The following DIPK2B variants were observed in gnomAD, a reference collection of about 807,000 sequenced individuals.
DIPK2B encodes UPF0672 protein CXorf36.
DIPK2B carries 15 observed loss-of-function variants against 22.2 expected under a neutral mutation model. The observed-to-expected ratio is 0.68, with a 90% CI of 0.45 to 1.04. The LOEUF is 1.04. Among genes scored for constraint, DIPK2B ranks in the 50% least tolerant of loss-of-function variants. The pLI, the probability that DIPK2B is intolerant of heterozygous loss-of-function variation, is 0.00. For missense variants in DIPK2B, 345 were observed against 348.3 expected (o/e 0.99, Z 0.08); for synonymous variants, 163 against 153.2 (o/e 1.06, Z -0.47).
At chrX:45,199,325 G>A (rs1308442039) in intron 1 of DIPK2B, among the ~76,000 whole-genome samples, 5 of 111,663 alleles carry the variant, frequency 4.5e-5, no homozygotes, top group Non-Finnish European at 9.4e-5. Context: ...TCTTAAAAGC[G>A]TAAGTTAGGT....
In DIPK2B at chrX:45,191,696, C is replaced by T. The variant is rs1296906698; in HGVS notation, c.498+55G>A. ...AGATATGAGATGGGAATGAATCTCT[C>T]TCTCTCTTTCTCATCATCCCCTTCA... On this transcript the variant is annotated intron_variant, in intron 2 of 4. Coordinates refer to ENST00000398000, the MANE Select transcript of DIPK2B (RefSeq NM_176819.4). The T allele has an allele frequency of 2.9e-5, 33 of 1,129,951 alleles. No individual in the cohort carries two copies. In the Admixed American group the frequency reaches 7.9e-4, roughly 27 times the overall value. The allele number at this position is 1,129,951 out of a possible 1,213,427, so 93.1% of individuals were successfully genotyped here.
At position 45,152,502 on chromosome X, in the gene DIPK2B, A is replaced by G. The variant is rs1317499184; in HGVS notation, c.962-510T>C. Among the ~76,000 whole-genome samples the G allele has an allele frequency of 3.6e-5, 4 of 112,003 alleles. No homozygotes were observed. The Admixed American group carries it at 3.8e-4, about 11-fold the overall frequency. On this transcript the variant is annotated intron_variant, in intron 4 of 4. Coordinates refer to ENST00000398000, the MANE Select transcript of DIPK2B (RefSeq NM_176819.4). ...TGCTACAATAGAGTGAGGCCTGGGC[A>G]TGGAAAACCCACTTACCCCTACCAG...
chrX:45,149,530 A>C lies in DIPK2B; in HGVS notation c.*2122T>G, dbSNP rs1293667539. The stretch of plus-strand genomic sequence containing the variant: ...AGTCAAGAGACAAACCCAAAAGGGA[A>C]CTAGGTACTCCACAAAATAAGGCTT... On this transcript the variant is annotated 3_prime_UTR_variant, in exon 5 of 5. Transcript: ENST00000398000. The C allele has an allele frequency of 8.8e-6, 1 of 113,287 alleles. No homozygotes were observed. The highest frequency in any genetic ancestry group is 2.8e-4 in the East Asian group (1 of 3,565). 9.3% of individuals were successfully genotyped at this position (113,287 alleles called of 1,213,427 possible). A position where few individuals can be genotyped will look rare whatever the true frequency, so the allele number is the denominator to read the frequency against.
At position 45,200,632 on chromosome X, in the gene DIPK2B, C is replaced by G; in HGVS notation, c.195G>C (p.Gly65=). The G allele has an allele frequency of 1.7e-6, 2 of 1,212,077 alleles. No homozygotes were observed. The highest frequency in any genetic ancestry group is 2.2e-6 in the Non-Finnish European group (2 of 895,459). The stretch of plus-strand genomic sequence containing the variant: ...TAAAGAACTTCTTGCAAATAGATGT[C>G]CCGATGCAGGCATTGCATTTATCAA... The part of the protein sequence containing the change: ...LGLDKCNACI[G]TSICKKFFKE... Residue 65 remains glycine (G), a synonymous_variant, in exon 1 of 5, where the codon GGG becomes GGC. Transcript: ENST00000398000.
intron 2 of DIPK2B, among the ~76,000 whole-genome samples, chrX:45,182,901 T>C (rs1318420999): frequency 8.9e-6 from 1 of 112,058 alleles, no homozygotes; most frequent in Non-Finnish European, 1.9e-5. Context: ...GAGGTTTCAG[T>C]GTGAAAGCTG....
chrX:45,163,362 G>T (rs768110743), intron 2 of DIPK2B: 1 of 733,534 alleles, frequency 1.4e-6, no homozygotes, highest in African/African-American at 2.3e-5. Flanking sequence ...CTGTTTCTCT[G>T]GTAGAACCCT....
chrX:45,149,657 A>G lies in DIPK2B; in HGVS notation c.*1995T>C, dbSNP rs1006152336. On this transcript the variant is annotated 3_prime_UTR_variant, in exon 5 of 5. Transcript: ENST00000398000. ...AGGGCAATAGGAGCCTCCTAATAGC[A>G]ATGGGGCTCCTCTGATGGCTGCCAT... 1.8e-5 allele frequency: 2 copies of G among 112,448 alleles called. No homozygotes were observed. Among genetic ancestry groups the G allele is most frequent in the Non-Finnish European group, 3.8e-5 (2 of 53,223 alleles). 9.3% of individuals were successfully genotyped at this position (112,448 alleles called of 1,213,427 possible). A position where few individuals can be genotyped will look rare whatever the true frequency, so the allele number is the denominator to read the frequency against.
intron 2 of DIPK2B, chrX:45,162,376 A>C (rs1428909175): frequency 1.3e-6 from 1 of 752,338 alleles, no homozygotes; most frequent in African/African-American, 2.3e-5. Context: ...TTTGCTGAGA[A>C]GGTTCTGAGC....
intron 2 of DIPK2B, among the ~76,000 whole-genome samples, chrX:45,182,158 G>C (rs1225783163): frequency 9.1e-6 from 1 of 109,837 alleles, no homozygotes; most frequent in African/African-American, 3.3e-5. Context: ...AGCTCACAAA[G>C]AGCTTGTATC....
chrX:45,182,475 GA>G (rs1202509759), intron 2 of DIPK2B, among the ~76,000 whole-genome samples: 74 of 112,452 alleles, frequency 6.6e-4, no homozygotes, highest in Non-Finnish European at 9.0e-4. Context: ...AACTACTTTG[GA>G]AAACTACTTA....
chrX:45,149,048 C>A lies in DIPK2B; in HGVS notation c.*2604G>T, dbSNP rs73204291. On this transcript the variant is annotated 3_prime_UTR_variant, in exon 5 of 5. Transcript: ENST00000398000. Reference sequence around the variant, plus strand: ...GAGGAGAGAAGGGGGCAAGTGCTTACCTTGAACCCGTGCAGGTGGACAGAT... The same window carrying A: ...GAGGAGAGAAGGGGGCAAGTGCTTAACTTGAACCCGTGCAGGTGGACAGAT... 42 of 112,315 alleles carry A rather than the reference C, an allele frequency of 3.7e-4. No homozygotes were observed. The highest frequency in any genetic ancestry group is 1.2e-3 in the African/African-American group (36 of 30,942). 9.3% of individuals were successfully genotyped at this position (112,315 alleles called of 1,213,427 possible).
In DIPK2B at chrX:45,191,793, C is replaced by G. The variant is rs1341043054; in HGVS notation, c.456G>C (p.Gln152His). 1 of 1,212,037 alleles carries G rather than the reference C, an allele frequency of 8.3e-7. No homozygotes were observed. The highest frequency in any genetic ancestry group is 1.8e-5 in the South Asian group (1 of 57,011). Residue 152 changes from glutamine (Q) to histidine (H), a missense_variant, in exon 2 of 5, where the codon CAG (glutamine) becomes CAC (histidine). Coordinates refer to ENST00000398000, the MANE Select transcript of DIPK2B (RefSeq NM_176819.4). ...ERVLRKTERF[Q>H]KWLQAKRLTP... Reference sequence around the variant, plus strand: ...TGAGGCGCTTGGCCTGCAGCCATTTCTGGAACCTCTCTGTTTTCCGCAGGA... The same window carrying G: ...TGAGGCGCTTGGCCTGCAGCCATTTGTGGAACCTCTCTGTTTTCCGCAGGA...
chrX:45,163,418 T>C (rs2047032014), intron 2 of DIPK2B: 1 of 754,136 alleles, frequency 1.3e-6, no homozygotes, highest in Admixed American at 8.6e-5. Flanking sequence ...ATTACAAAAA[T>C]GGACAGCAAT....
intron 1 of DIPK2B, among the ~76,000 whole-genome samples, chrX:45,193,593 C>T (rs1224402499): frequency 1.8e-5 from 2 of 111,979 alleles, no homozygotes; most frequent in Non-Finnish European, 3.8e-5. Context: ...TTGAGTTATG[C>T]ACTAGAGCTC....
intron 2 of DIPK2B, among the ~76,000 whole-genome samples, chrX:45,168,046 C>T (rs761410841): frequency 3.1e-3 from 345 of 112,738 alleles, no homozygotes; most frequent in Non-Finnish European, 4.4e-3. Flanking sequence ...TCATAACTCT[C>T]AGTCATGTTT....
intron 3 of DIPK2B, among the ~76,000 whole-genome samples, chrX:45,157,182 T>C (rs1288010216): frequency 9.0e-6 from 1 of 111,700 alleles, no homozygotes; most frequent in African/African-American, 3.3e-5. Context: ...TCTCTACCAC[T>C]GGACTGGAAG....
chrX:45,199,907 T>C (rs1279751760), intron 1 of DIPK2B, among the ~76,000 whole-genome samples: 3 of 111,498 alleles, frequency 2.7e-5, no homozygotes, highest in African/African-American at 9.8e-5. Flanking sequence ...GCCATGTGCA[T>C]TGCAATTTAC....
chrX:45,194,255 A>G (rs867033341), intron 1 of DIPK2B, among the ~76,000 whole-genome samples: 3 of 91,194 alleles, frequency 3.3e-5, no homozygotes, highest in Non-Finnish European at 7.1e-5. Flanking sequence ...GAACCCATTA[A>G]TTTTTTTTTT....
intron 2 of DIPK2B, among the ~76,000 whole-genome samples, chrX:45,175,010 T>C (rs2047109423): frequency 8.9e-6 from 1 of 111,924 alleles, no homozygotes; most frequent in Non-Finnish European, 1.9e-5. Flanking sequence ...AGGCCTGTGT[T>C]CAAATCTCAA....
Sources: gnomAD v4.1 joint callset for allele counts (sites outside exome capture counted in the v4.1 genomes callset) on GRCh38, gnomAD v4.1.1 for gene constraint, MANE v1.5 for transcripts, NCBI Gene and HGNC (gene_info 2026-07-23, HGNC 2026-07-21) for gene names.